Variants in ZBTB7C observed in about 807,000 individuals in gnomAD.
ZBTB7C encodes zinc finger and BTB domain containing 7C.
Under a neutral mutation model 25.7 loss-of-function variants are expected in ZBTB7C, and 8 were observed. The observed-to-expected ratio is 0.31, with a 90% CI of 0.18 to 0.56. ZBTB7C has a LOEUF of 0.56. ZBTB7C is among the 20% of genes least tolerant of loss of function. The probability of loss-of-function intolerance (pLI) is 0.91; values close to 1 mark genes in which losing one functional copy is unlikely to be tolerated. For missense variants in ZBTB7C, 824 were observed against 855.2 expected, an observed-to-expected ratio of 0.96 and a Z score of 0.46; for synonymous variants, 394 against 369.0, an observed-to-expected ratio of 1.07 and a Z score of -0.78.
chr18:48,143,535 C>T lies in ZBTB7C; in HGVS notation c.-17+42399G>A, dbSNP rs1235187335. On this transcript the variant is annotated intron_variant, in intron 3 of 4. Coordinates refer to ENST00000590800, the MANE Select transcript of ZBTB7C (RefSeq NM_001318841.2). ...AGCCTCAAGAGCTGAGGTCTGGCTA[C>T]ATTAGCTGCAAACTGTCATCATGAC... Among the ~76,000 whole-genome samples, 4 of 152,150 alleles carry T rather than the reference C, an allele frequency of 2.6e-5. No homozygotes were observed. In the East Asian group the frequency reaches 5.8e-4, roughly 22 times the overall value.
At chr18:48,163,089 G>A (rs1327658959) in intron 3 of ZBTB7C, among the ~76,000 whole-genome samples, 1 of 152,220 alleles carries the variant, frequency 6.6e-6, no homozygotes, top group Non-Finnish European at 1.5e-5. Flanking sequence ...GAGAAGGGAT[G>A]TAGGGGCGCT....
chr18:48,411,348 G>C (rs895973260), upstream of ZBTB7C, among the ~76,000 whole-genome samples: 3 of 152,176 alleles, frequency 2.0e-5, no homozygotes, highest in African/African-American at 7.2e-5. Flanking sequence ...GGAACCTAAG[G>C]TATGTTCAGG....
intron 2 of ZBTB7C, among the ~76,000 whole-genome samples, chr18:48,195,809 T>C (rs2042305710): frequency 6.6e-6 from 1 of 152,212 alleles, no homozygotes; most frequent in Admixed American, 6.5e-5. Context: ...TCAAAATGAC[T>C]CAAAAATGTT....
At chr18:48,161,379 G>A (rs1351312861) in intron 3 of ZBTB7C, among the ~76,000 whole-genome samples, 1 of 152,030 alleles carries the variant, frequency 6.6e-6, no homozygotes, top group East Asian at 1.9e-4. Flanking sequence ...AGGGAGGGCG[G>A]GTCAGGAGAC....
chr18:48,165,621 C>T (rs2041218240), intron 3 of ZBTB7C: 1 of 156,660 alleles, frequency 6.4e-6, no homozygotes. Flanking sequence ...AACCTCTGCT[C>T]CTTCCACACC....
chr18:48,400,118 C>T (rs868415240), intron 1 of ZBTB7C, among the ~76,000 whole-genome samples: 8 of 152,248 alleles, frequency 5.3e-5, no homozygotes, highest in Middle Eastern at 3.4e-3. Context: ...ATGCCCCTGC[C>T]CCATCTCCAA....
In ZBTB7C at chr18:48,040,888, C is replaced by G; in HGVS notation, c.220G>C (p.Val74Leu). 6.2e-7 allele frequency: 1 copy of G among 1,614,192 alleles called. No individual in the cohort carries two copies. The highest frequency in any genetic ancestry group is 8.5e-7 in the Non-Finnish European group (1 of 1,180,042). ...TAGTLASQPY[V>L]YEIDFVQPEA... ...GGCTGGACAAAGTCGATCTCATAGA[C>G]GTAGGGCTGGCTGGCTAGGGTGCCG... The change falls in exon 4 of 5, where the codon GTC (valine) becomes CTC (leucine). Residue 74 changes from valine to leucine, a missense_variant. Transcript: ENST00000590800.
In ZBTB7C at chr18:48,029,702, C is replaced by T. The variant is rs548743739; in HGVS notation, c.1418G>A (p.Arg473His). ...GCGGCCGCGTCGGGGCCGTGCCATG[C>T]GGCAGCTCTGGCGCTTGATGTGGCG... ...LHRHIKRQSC[R>H]MARPRRGRKP... is the part of the protein sequence containing the mutation. The change falls in exon 5 of 5, where the codon CGC becomes CAC. Residue 473 changes from arginine to histidine, a missense_variant. Transcript: ENST00000590800. 7 of 1,601,656 alleles carry T rather than the reference C, an allele frequency of 4.4e-6. No homozygotes were observed. In the Admixed American group the frequency reaches 6.7e-5, roughly 15 times the overall value.
intron 3 of ZBTB7C, among the ~76,000 whole-genome samples, chr18:48,048,514 G>T (rs74953370): frequency 0.07 from 10,668 of 152,242 alleles, 497 homozygotes; most frequent in Non-Finnish European, 0.094. Context: ...TGACCTGTGG[G>T]ACTTGGTAAT....
intron 3 of ZBTB7C, among the ~76,000 whole-genome samples, chr18:48,112,777 G>A (rs2039293388): frequency 6.6e-6 from 1 of 152,180 alleles, no homozygotes; most frequent in South Asian, 2.1e-4. Context: ...TGAGAGAACA[G>A]GTGAAGAAAA....
chr18:48,101,045 C>T (rs936183116), intron 3 of ZBTB7C, among the ~76,000 whole-genome samples: 1 of 152,180 alleles, frequency 6.6e-6, no homozygotes, highest in Non-Finnish European at 1.5e-5. Context: ...GCCTTGTCCT[C>T]AGCCCTCTCT....
intron 1 of ZBTB7C, among the ~76,000 whole-genome samples, chr18:48,341,060 C>A (rs2144971908): frequency 6.6e-6 from 1 of 152,346 alleles, no homozygotes; most frequent in Admixed American, 6.5e-5. Flanking sequence ...CAAGCCATTT[C>A]TTTTCATCTG....
At chr18:48,293,458 C>T (rs2045294456) in intron 2 of ZBTB7C, among the ~76,000 whole-genome samples, 1 of 152,298 alleles carries the variant, frequency 6.6e-6, no homozygotes, top group East Asian at 1.9e-4. Flanking sequence ...ATTCAGGCCA[C>T]GGCACCCATA....
intron 2 of ZBTB7C, among the ~76,000 whole-genome samples, chr18:48,234,222 T>C (rs764475873): frequency 5.9e-5 from 9 of 152,150 alleles, no homozygotes; most frequent in Admixed American, 1.3e-4. Context: ...TCTCTCTGAG[T>C]TTACAATGCG....
At chr18:48,182,540 C>G (rs149751699) in intron 3 of ZBTB7C, among the ~76,000 whole-genome samples, 226 of 152,304 alleles carry the variant, frequency 1.5e-3, no homozygotes, top group South Asian at 6.4e-3. Context: ...GGACCTTAGA[C>G]GTCTTCTAAG....
intron 1 of ZBTB7C, among the ~76,000 whole-genome samples, chr18:48,374,010 T>C (rs904093394): frequency 4.0e-5 from 6 of 151,680 alleles, no homozygotes; most frequent in Admixed American, 2.0e-4. Context: ...CTGTCTCTCT[T>C]GCTCCTGTTC....
chr18:48,289,215 A>AATC (rs2045146630), intron 2 of ZBTB7C, among the ~76,000 whole-genome samples: 1 of 152,182 alleles, frequency 6.6e-6, no homozygotes, highest in South Asian at 2.1e-4. Flanking sequence ...TAATAATAAT[A>AATC]ATAGCATGTT....
chr18:48,333,546 G>T (rs902156009), intron 2 of ZBTB7C, among the ~76,000 whole-genome samples: 2 of 152,210 alleles, frequency 1.3e-5, no homozygotes, highest in African/African-American at 4.8e-5. Context: ...CTAAGAAAAA[G>T]CCAGGTCAAT....
In ZBTB7C at chr18:48,066,066, G is replaced by A. The variant is rs193284461; in HGVS notation, c.-16-24943C>T. On this transcript the variant is annotated intron_variant, in intron 3 of 4. Transcript: ENST00000590800. ...ATTTGGAGGTCTTCTGTCTCTGCATGTGGTATCTGCTCTCTCCTTCATCTG... is the reference window on the plus strand; with the variant it reads ...ATTTGGAGGTCTTCTGTCTCTGCATATGGTATCTGCTCTCTCCTTCATCTG... Among the ~76,000 whole-genome samples, 64 of 152,326 alleles carry A rather than the reference G, an allele frequency of 4.2e-4. 1 individual carries two copies. Among genetic ancestry groups the A allele is most frequent in the Admixed American group, 1.7e-3 (26 of 15,310 alleles).
Sources: gnomAD v4.1 joint callset for allele counts (sites outside exome capture counted in the v4.1 genomes callset) on GRCh38, gnomAD v4.1.1 for gene constraint, MANE v1.5 for transcripts, NCBI Gene and HGNC (gene_info 2026-07-23, HGNC 2026-07-21) for gene names.